The following WFDC10B variants were observed in gnomAD, a reference collection of about 807,000 sequenced individuals.
WFDC10B encodes protein WFDC10B.
Under a neutral mutation model 2.7 loss-of-function variants are expected in WFDC10B, and 1 was observed. That is an observed-to-expected ratio of 0.38 (90% CI 0.13 to 1.79). WFDC10B has a LOEUF of 1.79. Among genes scored for constraint, WFDC10B ranks in the 40% most tolerant of loss-of-function variants. The probability of loss-of-function intolerance (pLI) is 0.33; values close to 1 mark genes in which losing one functional copy is unlikely to be tolerated. For synonymous variants in WFDC10B, 26 were observed against 32.2 expected (o/e 0.81, Z 0.65); for missense variants, 71 against 87.8 (o/e 0.81, Z 0.76).
chr20:45,686,848 A>C (rs772094923), intron 2 of WFDC10B, among the ~76,000 whole-genome samples: 49 of 152,084 alleles, frequency 3.2e-4, no homozygotes, highest in Non-Finnish European at 5.9e-4. Context: ...TTTAGTAGAG[A>C]TGGGGTTCCG....
At chr20:45,687,858 C>CTTTTAT (rs974289306) in intron 2 of WFDC10B, among the ~76,000 whole-genome samples, 2 of 124,938 alleles carry the variant, frequency 1.6e-5, no homozygotes, top group Non-Finnish European at 3.2e-5. Flanking sequence ...CTTGTCTTTT[C>CTTTTAT]TTTTATTATT....
chr20:45,685,218 C>T (rs1983568978), intron 3 of WFDC10B, among the ~76,000 whole-genome samples: 2 of 152,150 alleles, frequency 1.3e-5, no homozygotes. Context: ...CACCTGCATT[C>T]AGAACTCTGT....
intron 3 of WFDC10B, among the ~76,000 whole-genome samples, chr20:45,685,449 TACTTA>T (rs908042777): frequency 4.6e-5 from 7 of 152,308 alleles, no homozygotes; most frequent in African/African-American, 1.7e-4. Flanking sequence ...TTTGATGTTA[TACTTA>T]ACTTTGCCCT....
intron 2 of WFDC10B, chr20:45,704,293 C>T: frequency 3.1e-6 from 3 of 966,512 alleles, no homozygotes; most frequent in East Asian, 2.6e-5. Flanking sequence ...AGGAAGGCAG[C>T]AGCTGAGGAC....
rs1006364858 is a variant in WFDC10B at position 45,691,355 on chromosome 20, G to A, written c.-64-5299C>T. Among the ~76,000 whole-genome samples the A allele has an allele frequency of 4.6e-5, 7 of 151,216 alleles. No homozygotes were observed. In the East Asian group the frequency reaches 7.7e-4, roughly 17 times the overall value. On this transcript the variant is annotated intron_variant, in intron 2 of 3. Coordinates refer to ENST00000330523, the MANE Select transcript of WFDC10B (RefSeq NM_172006.2). ...AGTTCTGTAGATGTCTATTAGGTCC[G>A]CTTGGTGCAGAGCTGAGTTCAATTC...
rs545179889 is a variant in WFDC10B, at chr20:45,684,733, G to A, written c.*97C>T. Reference sequence around the variant, plus strand: ...GGGTGGCATTCCTGTTGATGTTCTTGTGCTGATGATTTGATGTCCTTGTGC... The same window carrying A: ...GGGTGGCATTCCTGTTGATGTTCTTATGCTGATGATTTGATGTCCTTGTGC... On this transcript the variant is annotated 3_prime_UTR_variant, in exon 4 of 4. Coordinates refer to ENST00000330523, the MANE Select transcript of WFDC10B (RefSeq NM_172006.2). 3.2e-5 allele frequency: 49 copies of A among 1,517,344 alleles called. No homozygotes were observed. The East Asian group carries it at 9.0e-4, about 28-fold the overall frequency. 94.0% of individuals were successfully genotyped at this position (1,517,344 alleles called of 1,614,324 possible). A position where few individuals can be genotyped will look rare whatever the true frequency, so the allele number is the denominator to read the frequency against.
In WFDC10B at chr20:45,684,714, C is replaced by A. The variant is rs866484612; in HGVS notation, c.*116G>T. 4 of 1,395,316 alleles carry A rather than the reference C, an allele frequency of 2.9e-6. No homozygotes were observed. The highest frequency in any genetic ancestry group is 3.9e-4 in the Middle Eastern group (2 of 5,126). The allele number at this position is 1,395,316 out of a possible 1,614,324, so 86.4% of individuals were successfully genotyped here. On this transcript the variant is annotated 3_prime_UTR_variant, in exon 4 of 4. Transcript: ENST00000330523. ...GGAGTTCAGACACTGGGGAGGGTGG[C>A]ATTCCTGTTGATGTTCTTGTGCTGA... is the stretch of plus-strand genomic sequence containing the variant.
At chr20:45,697,537 A>G (rs1464804089) in intron 2 of WFDC10B, among the ~76,000 whole-genome samples, 1 of 151,804 alleles carries the variant, frequency 6.6e-6, no homozygotes, top group African/African-American at 2.4e-5. Flanking sequence ...TTTTCTGTAG[A>G]GACAGGGTTT....
chr20:45,689,459 C>A (rs1200622728), intron 2 of WFDC10B, among the ~76,000 whole-genome samples: 1 of 152,066 alleles, frequency 6.6e-6, no homozygotes, highest in African/African-American at 2.4e-5. Context: ...GATATTGATT[C>A]TTCCTAGCCA....
chr20:45,690,120 C>T (rs1983760075), intron 2 of WFDC10B, among the ~76,000 whole-genome samples: 1 of 152,238 alleles, frequency 6.6e-6, no homozygotes, highest in Admixed American at 6.5e-5. Flanking sequence ...GTCTTTGGTT[C>T]TGTTTATATG....
At chr20:45,702,596 CAGAG>C (rs999810138) in intron 2 of WFDC10B, among the ~76,000 whole-genome samples, 1 of 152,178 alleles carries the variant, frequency 6.6e-6, no homozygotes, top group Non-Finnish European at 1.5e-5. Flanking sequence ...AGCAATAAAA[CAGAG>C]AGACAACGAA....
intron 2 of WFDC10B, among the ~76,000 whole-genome samples, chr20:45,698,896 A>C (rs970350187): frequency 1.4e-5 from 2 of 145,386 alleles, no homozygotes; most frequent in African/African-American, 5.1e-5. Context: ...TGAACCCAGG[A>C]GGTGGAGGTT....
chr20:45,695,989 C>A (rs1356277086), intron 2 of WFDC10B, among the ~76,000 whole-genome samples: 1 of 151,024 alleles, frequency 6.6e-6, no homozygotes, highest in African/African-American at 2.4e-5. Flanking sequence ...TAAATACTTA[C>A]ATTAAAAAAG....
chr20:45,701,003 G>A (rs1984136543), intron 2 of WFDC10B, among the ~76,000 whole-genome samples: 1 of 152,220 alleles, frequency 6.6e-6, no homozygotes, highest in Non-Finnish European at 1.5e-5. Flanking sequence ...AGAGAGGAAA[G>A]CAAGTTTGAA....
chr20:45,695,743 T>C (rs1035191904), intron 2 of WFDC10B, among the ~76,000 whole-genome samples: 11 of 152,070 alleles, frequency 7.2e-5, no homozygotes, highest in African/African-American at 2.7e-4. Flanking sequence ...CCCAGCACTT[T>C]GGGAGGCTGA....
intron 2 of WFDC10B, among the ~76,000 whole-genome samples, chr20:45,697,379 ATTTTTT>A (rs869059383): frequency 6.1e-5 from 7 of 114,016 alleles, no homozygotes; most frequent in East Asian, 2.8e-4. Flanking sequence ...ACATCCCATC[ATTTTTT>A]TTTTTTTTTT....
At chr20:45,698,967 A>T (rs1206155979) in intron 2 of WFDC10B, among the ~76,000 whole-genome samples, 1 of 10,628 alleles carries the variant, frequency 9.4e-5, no homozygotes, top group African/African-American at 5.0e-4. Flanking sequence ...GAATCCATCT[A>T]AAAAAAAAAA....
chr20:45,695,234 G>A (rs1983941643), intron 2 of WFDC10B, among the ~76,000 whole-genome samples: 1 of 152,150 alleles, frequency 6.6e-6, no homozygotes. Context: ...AAGCCTATAA[G>A]CTGTGGGGTC....
chr20:45,696,984 T>C (rs6124727), intron 2 of WFDC10B, among the ~76,000 whole-genome samples: 29,641 of 151,836 alleles, frequency 0.2, 3,188 homozygotes, highest in East Asian at 0.32. Flanking sequence ...TGATTAAAGG[T>C]ACCTATAAAA....
Sources: allele counts gnomAD v4.1 joint callset (sites outside exome capture counted in the v4.1 genomes callset), GRCh38; gene constraint gnomAD v4.1.1; transcripts MANE v1.5; gene names NCBI Gene and HGNC (gene_info 2026-07-23, HGNC 2026-07-21).